PRKCH: variants seen among roughly 807,000 people sequenced by gnomAD.
The protein encoded by PRKCH is protein kinase C eta, also known as protein kinase C eta type.
In PRKCH, 28 loss-of-function variants were observed where a neutral mutation model predicts 82.5. The observed-to-expected ratio is 0.34, with a 90% CI of 0.25 to 0.47. The LOEUF is 0.47. Among genes scored for constraint, PRKCH ranks in the 20% least tolerant of loss-of-function variants. The pLI is 1.00. For synonymous variants in PRKCH, 322 were observed against 327.4 expected, an observed-to-expected ratio of 0.98 and a Z score of 0.18; for missense variants, 705 against 881.8, an observed-to-expected ratio of 0.80 and a Z score of 2.54.
At chr14:61,533,809 A>T (rs1442968906) in intron 12 of PRKCH, among the ~76,000 whole-genome samples, 1 of 152,202 alleles carries the variant, frequency 6.6e-6, no homozygotes, top group East Asian at 1.9e-4. Flanking sequence ...TACTGCTGAG[A>T]GCTGCATGCA....
chr14:61,479,855 C>T (rs561379985), intron 9 of PRKCH, among the ~76,000 whole-genome samples: 1 of 152,308 alleles, frequency 6.6e-6, no homozygotes, highest in African/African-American at 2.4e-5. Flanking sequence ...CCTCTGCCTC[C>T]CACACCTGTA....
intron 10 of PRKCH, among the ~76,000 whole-genome samples, chr14:61,526,614 T>G (rs2042969511): frequency 6.6e-6 from 1 of 152,236 alleles, no homozygotes; most frequent in Non-Finnish European, 1.5e-5. Flanking sequence ...GCCAGCAACG[T>G]GATCCAGGCT....
At chr14:61,281,220 C>T in intron 1 of PRKCH, 1 of 993,136 alleles carries the variant, frequency 1.0e-6, no homozygotes, top group Non-Finnish European at 1.3e-6. Context: ...CCTCTCCGCG[C>T]CGCGCAAGCC....
chr14:61,540,799 C>T (rs2140028879), intron 12 of PRKCH, among the ~76,000 whole-genome samples: 1 of 152,288 alleles, frequency 6.6e-6, no homozygotes, highest in Non-Finnish European at 1.5e-5. Context: ...CCAGCCCTCC[C>T]CAGCAAATTC....
At chr14:61,517,372 C>T (rs571231305) in intron 10 of PRKCH, among the ~76,000 whole-genome samples, 30 of 152,196 alleles carry the variant, frequency 2.0e-4, no homozygotes, top group Non-Finnish European at 3.2e-4. Context: ...TTCTGACAAT[C>T]GAATGTCTTC....
At chr14:61,333,977 G>A (rs927878494) in intron 1 of PRKCH, among the ~76,000 whole-genome samples, 4 of 152,014 alleles carry the variant, frequency 2.6e-5, no homozygotes, top group Non-Finnish European at 4.4e-5. Context: ...AGATTTTTTG[G>A]TCCTCTCTGG....
chr14:61,274,897 A>G (rs949226843), intron 1 of PRKCH, among the ~76,000 whole-genome samples: 1 of 152,242 alleles, frequency 6.6e-6, no homozygotes, highest in Non-Finnish European at 1.5e-5. Flanking sequence ...GAAAGTGAAT[A>G]TATGAGCTAA....
At chr14:61,462,931 T>A (rs1254959069) in intron 9 of PRKCH, 1 of 152,346 alleles carries the variant, frequency 6.6e-6, no homozygotes, top group Non-Finnish European at 1.5e-5. Flanking sequence ...AGTTCAAGTT[T>A]AGGTCAGGCT....
intron 1 of PRKCH, among the ~76,000 whole-genome samples, chr14:61,194,926 G>A (rs1409312802): frequency 6.6e-6 from 1 of 152,106 alleles, no homozygotes; most frequent in African/African-American, 2.4e-5. Context: ...TCGAGACAGG[G>A]TTTCACCATG....
intron 2 of PRKCH, among the ~76,000 whole-genome samples, chr14:61,421,160 T>G (rs575689332): frequency 2.6e-5 from 4 of 151,442 alleles, no homozygotes; most frequent in Admixed American, 6.6e-5. Flanking sequence ...AGGAGTGGAG[T>G]TCCCAGGATG....
intron 10 of PRKCH, among the ~76,000 whole-genome samples, chr14:61,515,682 A>G (rs986910750): frequency 6.6e-6 from 1 of 152,132 alleles, no homozygotes; most frequent in Non-Finnish European, 1.5e-5. Flanking sequence ...TCCTGGCTCT[A>G]TTACCCAGAG....
chr14:61,244,300 C>A (rs2044863413), intron 1 of PRKCH, among the ~76,000 whole-genome samples: 1 of 152,034 alleles, frequency 6.6e-6, no homozygotes, highest in Non-Finnish European at 1.5e-5. Context: ...CTGAGGAGTG[C>A]AAAGCTGGGT....
At chr14:61,492,698 G>A (rs901837859) in intron 10 of PRKCH, among the ~76,000 whole-genome samples, 1 of 152,222 alleles carries the variant, frequency 6.6e-6, no homozygotes, top group African/African-American at 2.4e-5. Context: ...ATTAGGAGGT[G>A]TAGATACAAG....
In PRKCH at chr14:61,399,865, C is replaced by T. The variant is rs77931439; in HGVS notation, c.427+8577C>T. 7.7e-3 allele frequency among the ~76,000 whole-genome samples: 1,169 copies of T among 152,128 alleles called. 14 individuals are homozygous for T. The highest frequency in any genetic ancestry group is 0.027 in the African/African-American group (1,104 of 41,496). ...TCAAAAACAAAACCCTGACAAAGAA[C>T]CTGTTATTTGTGAATTTGAAGCTTG... On this transcript the variant is annotated intron_variant, in intron 2 of 13. Coordinates refer to ENST00000332981, the MANE Select transcript of PRKCH (RefSeq NM_006255.5).
chr14:61,420,695 T>C (rs1682306998), intron 2 of PRKCH, among the ~76,000 whole-genome samples: 1 of 152,232 alleles, frequency 6.6e-6, no homozygotes, highest in Admixed American at 6.5e-5. Context: ...CAGTTAGCCT[T>C]GGGAACAGAT....
intron 1 of PRKCH, among the ~76,000 whole-genome samples, chr14:61,218,592 C>G (rs2044632174): frequency 6.6e-6 from 1 of 151,970 alleles, no homozygotes; most frequent in Non-Finnish European, 1.5e-5. Context: ...GGAAAAAGAG[C>G]TTAAGTGGAA....
chr14:61,317,584 T>C (rs142739237), upstream of PRKCH, among the ~76,000 whole-genome samples: 64 of 152,330 alleles, frequency 4.2e-4, no homozygotes, highest in African/African-American at 1.4e-3. Context: ...CATGTGGCGT[T>C]CTTTAGTCCT....
intron 9 of PRKCH, among the ~76,000 whole-genome samples, chr14:61,471,167 G>C (rs1328501960): frequency 6.6e-6 from 1 of 152,266 alleles, no homozygotes; most frequent in Non-Finnish European, 1.5e-5. Flanking sequence ...GATCTGGTGA[G>C]GGCCAGTGGC....
intron 1 of PRKCH, among the ~76,000 whole-genome samples, chr14:61,323,516 A>G (rs953251053): frequency 2.0e-5 from 3 of 152,350 alleles, no homozygotes; most frequent in African/African-American, 7.2e-5. Flanking sequence ...CAATATCAGT[A>G]TTGAAAATGT....
Sources: allele counts gnomAD v4.1 joint callset (sites outside exome capture counted in the v4.1 genomes callset), GRCh38; gene constraint gnomAD v4.1.1; transcripts MANE v1.5; gene names NCBI Gene and HGNC (gene_info 2026-07-23, HGNC 2026-07-21).